The following CHD6 variants were observed in gnomAD, a reference collection of about 807,000 sequenced individuals.
The protein encoded by CHD6 is chromodomain helicase DNA binding protein 6, also known as ATP-dependent chromatin remodeler CHD6.
In CHD6, 50 loss-of-function variants were observed where a neutral mutation model predicts 276.9. The ratio of observed to expected loss-of-function variants is 0.18; its 90% CI spans 0.14 to 0.23. The LOEUF (loss-of-function observed/expected upper bound fraction) is 0.23, where lower values mean the gene tolerates loss of function less well. Among genes scored for constraint, CHD6 ranks in the 10% least tolerant of loss-of-function variants. CHD6 has a pLI of 1.00. For synonymous variants in CHD6, 1,173 were observed against 1,229.3 expected (o/e 0.95, Z 0.96); for missense variants, 2,564 against 3,365.8 (o/e 0.76, Z 5.89).
At chr20:41,490,841 T>C (rs1327184518) in intron 11 of CHD6, among the ~76,000 whole-genome samples, 1 of 151,934 alleles carries the variant, frequency 6.6e-6, no homozygotes, top group Non-Finnish European at 1.5e-5. Flanking sequence ...AAAAATAAAA[T>C]GGTATACCTA....
chr20:41,580,895 T>C (rs2045530600), intron 1 of CHD6, among the ~76,000 whole-genome samples: 1 of 152,184 alleles, frequency 6.6e-6, no homozygotes, highest in African/African-American at 2.4e-5. Context: ...GGGCAGATTG[T>C]TCCTAAGGTA....
chr20:41,419,564 A>AG (rs2047116582), intron 31 of CHD6, among the ~76,000 whole-genome samples: 1 of 94,002 alleles, frequency 1.1e-5, no homozygotes, highest in Admixed American at 9.5e-5. Flanking sequence ...CAAAAAAAAA[A>AG]AAAAAAAAAA....
At chr20:41,516,797 A>G (rs1457456402) in intron 3 of CHD6, among the ~76,000 whole-genome samples, 1 of 152,186 alleles carries the variant, frequency 6.6e-6, no homozygotes, top group Non-Finnish European at 1.5e-5. Flanking sequence ...AAGCAGGTCC[A>G]GGAAAGAGGG....
At chr20:41,419,545 ACT>A (rs1279593330) in intron 31 of CHD6, among the ~76,000 whole-genome samples, 23 of 119,354 alleles carry the variant, frequency 1.9e-4, no homozygotes, top group African/African-American at 7.5e-4. Flanking sequence ...ACAGAGCAAG[ACT>A]CTGTCTCAAA....
chr20:41,420,147 A>C (rs1325231553), intron 31 of CHD6, among the ~76,000 whole-genome samples: 7 of 152,202 alleles, frequency 4.6e-5, no homozygotes, highest in Non-Finnish European at 4.4e-5. Context: ...GCAAGTTCCT[A>C]ACATCCCAAG....
chr20:41,535,878 A>C (rs897335278), intron 2 of CHD6, among the ~76,000 whole-genome samples: 2 of 152,218 alleles, frequency 1.3e-5, no homozygotes, highest in Non-Finnish European at 2.9e-5. Flanking sequence ...AAAAATAAAA[A>C]TAAAAGTTAA....
At chr20:41,512,367 A>G (rs1418705295) in intron 5 of CHD6, among the ~76,000 whole-genome samples, 1 of 152,048 alleles carries the variant, frequency 6.6e-6, no homozygotes, top group Non-Finnish European at 1.5e-5. Flanking sequence ...GAAGTACACA[A>G]GGGGCTGAAA....
At chr20:41,527,297 G>C (rs1291196542) in intron 3 of CHD6, among the ~76,000 whole-genome samples, 1 of 152,040 alleles carries the variant, frequency 6.6e-6, no homozygotes, top group Non-Finnish European at 1.5e-5. Flanking sequence ...AATAAACTGG[G>C]TGTGGTGTCC....
intron 3 of CHD6, among the ~76,000 whole-genome samples, chr20:41,530,000 C>T (rs2044641812): frequency 6.6e-6 from 1 of 152,128 alleles, no homozygotes; most frequent in Admixed American, 6.6e-5. Flanking sequence ...CTCACTTCCC[C>T]GACTGGGGAA....
rs2043616760 is a variant in CHD6, at chr20:41,493,951, C to T, written c.1093-7G>A. On this transcript the variant is annotated splice_polypyrimidine_tract_variant and splice_region_variant and intron_variant, in intron 8 of 36. Coordinates refer to ENST00000373233, the MANE Select transcript of CHD6 (RefSeq NM_032221.5). ...TGAACAAGTCTTCATCAGGCTAACA[C>T]AAACAGAGGAGAACAGTTAGGAAGT... 2 of 1,611,198 alleles carry T rather than the reference C, an allele frequency of 1.2e-6. No homozygotes were observed. The highest frequency in any genetic ancestry group is 1.7e-6 in the Non-Finnish European group (2 of 1,177,520).
chr20:41,464,297 G>A (rs943087419), intron 17 of CHD6, among the ~76,000 whole-genome samples: 7 of 152,238 alleles, frequency 4.6e-5, no homozygotes, highest in East Asian at 3.9e-4. Flanking sequence ...GAAGCAGGTC[G>A]TGAAGAAAAT....
At position 41,402,682 on chromosome 20, in the gene CHD6, G is replaced by A. The variant is rs924896672; in HGVS notation, c.*1911C>T. On this transcript the variant is annotated 3_prime_UTR_variant, in exon 37 of 37. Coordinates refer to ENST00000373233, the MANE Select transcript of CHD6 (RefSeq NM_032221.5). ...TAAAAAGAAAATTAGTACTTAAAAG[G>A]TTCAAAAATATATTGATTGAGTTAT... 4.7e-6 allele frequency: 1 copy of A among 214,838 alleles called. No homozygotes were observed. Among genetic ancestry groups the A allele is most frequent in the African/African-American group, 2.3e-5 (1 of 44,238 alleles). 13.3% of individuals were successfully genotyped at this position (214,838 alleles called of 1,614,324 possible). A position where few individuals can be genotyped will look rare whatever the true frequency, so the allele number is the denominator to read the frequency against.
Position 41,456,426 on chromosome 20 carries a change from T to TA in CHD6, c.2830-448dup, listed in dbSNP as rs922218607. On this transcript the variant is annotated intron_variant, in intron 18 of 36. Coordinates refer to ENST00000373233, the MANE Select transcript of CHD6 (RefSeq NM_032221.5). ...ATTGTAAATGAGGTCATTTCTCAAC[T>TA]AAAAAAAAAATGATCCCATGATAAA... 1.6e-4 allele frequency among the ~76,000 whole-genome samples: 24 copies of TA among 147,902 alleles called. No homozygotes were observed. The East Asian group carries it at 2.4e-3, about 15-fold the overall frequency.
At position 41,455,781 on chromosome 20, in the gene CHD6, T is replaced by C. The variant is rs369940451; in HGVS notation, c.3009+19A>G. ...TTTTCTCTCCCACCCCCAACAGCTCTGGAGAGAAGGCCCTGTACCTTGGCA... is the reference window on the plus strand; with the variant it reads ...TTTTCTCTCCCACCCCCAACAGCTCCGGAGAGAAGGCCCTGTACCTTGGCA... On this transcript the variant is annotated intron_variant, in intron 19 of 36. Transcript: ENST00000373233. The C allele has an allele frequency of 6.7e-7, 1 of 1,495,556 alleles. No individual in the cohort carries two copies. Among genetic ancestry groups the C allele is most frequent in the Non-Finnish European group, 8.9e-7 (1 of 1,118,146 alleles). The allele number at this position is 1,495,556 out of a possible 1,614,324, so 92.6% of individuals were successfully genotyped here.
chr20:41,580,986 A>C (rs2045531765), intron 1 of CHD6, among the ~76,000 whole-genome samples: 1 of 152,186 alleles, frequency 6.6e-6, no homozygotes, highest in African/African-American at 2.4e-5. Context: ...ATTCCAAGCA[A>C]AGGTGGTTAC....
chr20:41,504,978 T>C (rs973591218), intron 5 of CHD6, among the ~76,000 whole-genome samples: 13 of 152,168 alleles, frequency 8.5e-5, no homozygotes, highest in Admixed American at 3.9e-4. Flanking sequence ...GGGTGGTCCC[T>C]TTGATCCAGT....
chr20:41,539,678 T>C (rs1350851788), intron 2 of CHD6, among the ~76,000 whole-genome samples: 1 of 152,228 alleles, frequency 6.6e-6, no homozygotes, highest in Non-Finnish European at 1.5e-5. Flanking sequence ...GATATCCTTT[T>C]AAACAGGGCA....
intron 8 of CHD6, among the ~76,000 whole-genome samples, chr20:41,495,844 G>A (rs1007843511): frequency 6.6e-6 from 1 of 152,216 alleles, no homozygotes; most frequent in Non-Finnish European, 1.5e-5. Flanking sequence ...TCTATCAGGA[G>A]TCCTGCTTTT....
chr20:41,456,078 G>A (rs2048369497), intron 18 of CHD6, 99 bp from the exon 19 acceptor site: 2 of 1,159,558 alleles, frequency 1.7e-6, no homozygotes, highest in East Asian at 5.1e-5. Context: ...GTTCCTCCAT[G>A]AACTACATGT....
Sources: allele counts gnomAD v4.1 joint callset (sites outside exome capture counted in the v4.1 genomes callset), GRCh38; gene constraint gnomAD v4.1.1; transcripts MANE v1.5; gene names NCBI Gene and HGNC (gene_info 2026-07-23, HGNC 2026-07-21).